The following C12orf50 variants were observed in gnomAD, a reference collection of about 807,000 sequenced individuals.
The protein encoded by C12orf50 is uncharacterized protein C12orf50.
In C12orf50, 35 loss-of-function variants were observed where a neutral mutation model predicts 61.6. That is an observed-to-expected ratio of 0.57 (90% CI 0.43 to 0.75). C12orf50 has a LOEUF of 0.75. Ranked by LOEUF, C12orf50 falls within the 30% of genes least tolerant of loss-of-function variation. The pLI is 0.00. For missense variants in C12orf50, 475 were observed against 488.5 expected, an observed-to-expected ratio of 0.97 and a Z score of 0.26; for synonymous variants, 178 against 161.5, an observed-to-expected ratio of 1.10 and a Z score of -0.77.
At chr12:88,001,281 T>C (rs1170339455) in intron 3 of C12orf50, among the ~76,000 whole-genome samples, 9 of 146,054 alleles carry the variant, frequency 6.2e-5, no homozygotes, top group African/African-American at 2.5e-4. Context: ...CTTTATTATA[T>C]TATTGTGGGT....
At chr12:88,015,232 T>C (rs928601390) in intron 3 of C12orf50, among the ~76,000 whole-genome samples, 20 of 152,166 alleles carry the variant, frequency 1.3e-4, no homozygotes, top group African/African-American at 4.8e-4. Context: ...CGCACAAAAA[T>C]TAGTGTGTGT....
At chr12:88,012,869 G>A (rs1183153572) in intron 3 of C12orf50, among the ~76,000 whole-genome samples, 1 of 152,022 alleles carries the variant, frequency 6.6e-6, no homozygotes, top group East Asian at 1.9e-4. Context: ...GTTGAGACCG[G>A]CCTACATAAT....
chr12:88,021,589 G>A (rs2032518792), intron 3 of C12orf50, among the ~76,000 whole-genome samples: 1 of 151,884 alleles, frequency 6.6e-6, no homozygotes, highest in East Asian at 1.9e-4. Context: ...AGTGAGCCAA[G>A]ATCGCACCAC....
chr12:88,000,400 A>G (rs2031605240), intron 3 of C12orf50, among the ~76,000 whole-genome samples: 1 of 152,064 alleles, frequency 6.6e-6, no homozygotes, highest in African/African-American at 2.4e-5. Flanking sequence ...ATATAGATCA[A>G]TTTTTATGCT....
Position 87,996,430 on chromosome 12 carries a change from G to C in C12orf50, c.425C>G (p.Pro142Arg). 3 of 1,613,344 alleles carry C rather than the reference G, an allele frequency of 1.9e-6. No individual in the cohort carries two copies. Among genetic ancestry groups the C allele is most frequent in the Non-Finnish European group, 1.7e-6 (2 of 1,179,594 alleles). Residue 142 changes from proline (P) to arginine (R), a missense_variant, in exon 6 of 13, where the codon CCT becomes CGT. Transcript: ENST00000298699. ...CTTTTCTAACTGTTTTTCTGCTGTA[G>C]GTGTCATGCTTTTTGATGACAAAAT... ...PDILSSKSMT[P>R]TAEKQLEKPL...
chr12:88,019,631 GA>G (rs982289114), intron 3 of C12orf50, among the ~76,000 whole-genome samples: 25 of 144,402 alleles, frequency 1.7e-4, no homozygotes, highest in Middle Eastern at 3.5e-3. Flanking sequence ...AGTAAACAGA[GA>G]AAAAAAAAAC....
intron 4 of C12orf50, among the ~76,000 whole-genome samples, chr12:87,997,045 C>G (rs1356752844): frequency 6.6e-6 from 1 of 152,152 alleles, no homozygotes; most frequent in Non-Finnish European, 1.5e-5. Context: ...CATATTCCAG[C>G]ACAAAGACAG....
chr12:88,000,346 GAT>G (rs2031603244), intron 3 of C12orf50, among the ~76,000 whole-genome samples: 1 of 151,956 alleles, frequency 6.6e-6, no homozygotes, highest in African/African-American at 2.4e-5. Context: ...TAAACTGATT[GAT>G]ATAAAAGTTT....
rs186890319 is a variant in C12orf50 at position 87,983,061 on chromosome 12, T to A, written c.1219+42A>T. 4,262 of 1,210,784 alleles carry A rather than the reference T, an allele frequency of 3.5e-3. 11 individuals carry two copies. The highest frequency in any genetic ancestry group is 4.6e-3 in the Non-Finnish European group (3,918 of 853,236). 75.0% of individuals were successfully genotyped at this position (1,210,784 alleles called of 1,614,324 possible). A position where few individuals can be genotyped will look rare whatever the true frequency, so the allele number is the denominator to read the frequency against. The stretch of plus-strand genomic sequence containing the variant: ...CTTGCACTTGAAAACTTATTCATTT[T>A]CAGAATTGCATGATACATTAAAACC... On this transcript the variant is annotated intron_variant, in intron 12 of 12. Coordinates refer to ENST00000298699, the MANE Select transcript of C12orf50 (RefSeq NM_152589.3).
chr12:87,987,599 A>G (rs913876587), intron 9 of C12orf50, among the ~76,000 whole-genome samples: 2 of 152,312 alleles, frequency 1.3e-5, no homozygotes, highest in Non-Finnish European at 2.9e-5. Context: ...TGAATCTTCC[A>G]AAAAGGTAGT....
chr12:87,994,892 A>T (rs1217478919), intron 6 of C12orf50, 149 bp from the exon 7 acceptor site: 2 of 574,908 alleles, frequency 3.5e-6, no homozygotes, highest in Non-Finnish European at 6.1e-6. Flanking sequence ...TAAATTAATA[A>T]ATACATGAGT....
chr12:87,996,386 C>A lies in C12orf50; in HGVS notation c.469G>T (p.Glu157Ter). 1 of 1,607,950 alleles carries A rather than the reference C, an allele frequency of 6.2e-7. No homozygotes were observed. Among genetic ancestry groups the A allele is most frequent in the South Asian group, 1.1e-5 (1 of 90,830 alleles). ...TTTCATTTCTTACCTTCTTGCAATT[C>A]ACTGCCATTTTCCAAAGGCTTTTCT... Reference protein sequence around the residue: ...QLEKPLENGSELQEGDSLTVP... With the variant: ...QLEKPLENGS Residue 157 changes from glutamate (E) to a stop codon, truncating the protein, a stop_gained, in exon 6 of 13, where the codon GAA (glutamate) becomes TAA (stop). Transcript: ENST00000298699. LOFTEE classifies it high-confidence loss of function.
intron 3 of C12orf50, among the ~76,000 whole-genome samples, chr12:88,008,240 C>G (rs1019022794): frequency 6.6e-6 from 1 of 152,092 alleles, no homozygotes; most frequent in African/African-American, 2.4e-5. Flanking sequence ...TGGTAGACCC[C>G]AGTGTGTGTT....
At chr12:88,000,949 C>T (rs2031630032) in intron 3 of C12orf50, among the ~76,000 whole-genome samples, 2 of 151,766 alleles carry the variant, frequency 1.3e-5, no homozygotes, top group South Asian at 4.1e-4. Flanking sequence ...AATAAAAGAT[C>T]ATGCCATATG....
chr12:87,991,675 AT>A (rs2031128174), intron 7 of C12orf50, among the ~76,000 whole-genome samples: 1 of 152,200 alleles, frequency 6.6e-6, no homozygotes. Flanking sequence ...GGAAATACAA[AT>A]TAAAACTACA....
chr12:87,998,164 C>A lies in C12orf50; in HGVS notation c.160G>T (p.Glu54Ter). 3 of 1,612,444 alleles carry A rather than the reference C, an allele frequency of 1.9e-6. No individual in the cohort carries two copies. The highest frequency in any genetic ancestry group is 2.5e-6 in the Non-Finnish European group (3 of 1,179,006). ...SNITLQKEIQ[E>*]GIPLQSQSQE... The stretch of plus-strand genomic sequence containing the variant: ...CTCTGGGACTGGAGTGGAATTCCTT[C>A]CTGAATTTCTTTCTGTAGTGTGATA... The change falls in exon 4 of 13, where the codon GAA (glutamate) becomes TAA (stop). Residue 54 changes from glutamate (E) to a stop codon, truncating the protein, a stop_gained. Coordinates refer to ENST00000298699, the MANE Select transcript of C12orf50 (RefSeq NM_152589.3). LOFTEE classifies it high-confidence loss of function.
intron 1 of C12orf50, chr12:88,029,042 G>GTACT (rs1406577620): frequency 8.2e-7 from 1 of 1,216,988 alleles, no homozygotes; most frequent in Non-Finnish European, 1.1e-6. Flanking sequence ...AGCATGTGAA[G>GTACT]TACTGTCAAT....
At chr12:88,017,756 G>T (rs1311581331) in intron 3 of C12orf50, among the ~76,000 whole-genome samples, 1 of 152,206 alleles carries the variant, frequency 6.6e-6, no homozygotes, top group Non-Finnish European at 1.5e-5. Context: ...AACTTGTTGG[G>T]AACTGGAGCA....
intron 2 of C12orf50, 115 bp downstream of exon 2, chr12:88,026,836 A>T: frequency 6.8e-7 from 1 of 1,477,554 alleles, no homozygotes; most frequent in Non-Finnish European, 9.1e-7. Context: ...AAAATGCCTA[A>T]AATCAAATAG....
Sources: gnomAD v4.1 joint callset for allele counts (sites outside exome capture counted in the v4.1 genomes callset) on GRCh38, gnomAD v4.1.1 for gene constraint, MANE v1.5 for transcripts, NCBI Gene and HGNC (gene_info 2026-07-23, HGNC 2026-07-21) for gene names.